Variants in ZNF224 observed in about 807,000 individuals in gnomAD.
ZNF224 encodes the protein bone marrow zinc finger 2.
In ZNF224, 8 loss-of-function variants were observed where a neutral mutation model predicts 10.5. The observed-to-expected ratio is 0.76, with a 90% confidence interval of 0.45 to 1.37. The LOEUF (loss-of-function observed/expected upper bound fraction) is 1.37. Ranked by LOEUF, ZNF224 falls within the 40% of genes most tolerant of loss-of-function variation. The pLI is 0.00. For synonymous variants in ZNF224, 282 were observed against 287.8 expected (o/e 0.98, Z 0.20); for missense variants, 754 against 854.0 (o/e 0.88, Z 1.46).
chr19:44,108,532 T>G lies in ZNF224; in HGVS notation c.*248T>G, dbSNP rs1252064551. On this transcript the variant is annotated 3_prime_UTR_variant, in exon 6 of 6. Transcript: ENST00000693561. ...CCCAGTAGTCTCAGGACCACCATAATGGAGAATCCTTGTAAATGGTGCAAT... is the reference window on the plus strand; with the variant it reads ...CCCAGTAGTCTCAGGACCACCATAAGGGAGAATCCTTGTAAATGGTGCAAT... The G allele has an allele frequency of 1.9e-6, 1 of 513,796 alleles. No homozygotes were observed. The highest frequency in any genetic ancestry group is 1.9e-5 in the African/African-American group (1 of 52,262). The allele number at this position is 513,796 out of a possible 1,614,324, so 31.8% of individuals were successfully genotyped here. A position where few individuals can be genotyped will look rare whatever the true frequency, so the allele number is the denominator to read the frequency against.
rs1967690468 is a variant in ZNF224, at chr19:44,107,140, A to T, written c.980A>T (p.Gln327Leu). Residue 327 changes from glutamine (Q) to leucine (L), a missense_variant, in exon 6 of 6, where the codon CAG (glutamine) becomes CTG (leucine). Physicochemically the swap from Gln to Leu is moderately radical, Grantham distance 113. Coordinates refer to ENST00000693561, the MANE Select transcript of ZNF224 (RefSeq NM_001321645.3). Reference protein sequence around the residue: ...RCDTCDKSFRQRSALNSHRMI... With the variant: ...RCDTCDKSFRLRSALNSHRMI... The stretch of plus-strand genomic sequence containing the variant: ...GATACGTGTGATAAGAGCTTTCGTC[A>T]GAGATCAGCACTTAATAGTCATCGC... 6.2e-7 allele frequency: 1 copy of T among 1,606,644 alleles called. No homozygotes were observed.
rs763575758 is a variant in ZNF224, at chr19:44,107,819, G to T, written c.1659G>T (p.Ser553=). ...GTGGGAAGAGTTTTGGCTGGGCCTC[G>T]TGTCTTTTGAAACATCAGAGACTGC... is the stretch of plus-strand genomic sequence containing the variant. ...KECGKSFGWA[S]CLLKHQRLHS... Residue 553 remains serine, a synonymous_variant, in exon 6 of 6, where the codon TCG becomes TCT. Transcript: ENST00000693561. The T allele has an allele frequency of 6.2e-7, 1 of 1,600,976 alleles. No individual in the cohort carries two copies. Among genetic ancestry groups the T allele is most frequent in the East Asian group, 2.3e-5 (1 of 44,246 alleles).
chr19:44,107,480 G>A lies in ZNF224; in HGVS notation c.1320G>A (p.Arg440=). The part of the protein sequence containing the change: ...CVECGKGYKR[R]LDLDFHQRVH... ...AGTGTGGGAAGGGCTACAAAAGGAG[G>A]TTGGATCTTGACTTTCACCAGCGCG... Residue 440 remains arginine (R), a synonymous_variant, in exon 6 of 6, where the codon AGG becomes AGA. Transcript: ENST00000693561. 6.2e-7 allele frequency: 1 copy of A among 1,602,038 alleles called. No homozygotes were observed. Among genetic ancestry groups the A allele is most frequent in the Non-Finnish European group, 8.5e-7 (1 of 1,175,030 alleles).
rs529533675 is a variant in ZNF224, at chr19:44,098,871, G to A, written c.15+983G>A. Among the ~76,000 whole-genome samples, 163 of 152,306 alleles carry A rather than the reference G, an allele frequency of 1.1e-3. 1 individual carries two copies. The highest frequency in any genetic ancestry group is 6.8e-3 in the Middle Eastern group (2 of 294). The stretch of plus-strand genomic sequence containing the variant: ...TGGAATTACAGGCGTGAGCCACCGC[G>A]CCCAGCCTAACCTAAATTTTTTGTG... On this transcript the variant is annotated intron_variant, in intron 3 of 5. Coordinates refer to ENST00000693561, the MANE Select transcript of ZNF224 (RefSeq NM_001321645.3).
rs1035599125 is a variant in ZNF224 at position 44,106,861 on chromosome 19, G to A, written c.701G>A (p.Cys234Tyr). Residue 234 changes from cysteine (C) to tyrosine (Y), a missense_variant, in exon 6 of 6, where the codon TGT (cysteine) becomes TAT (tyrosine). Coordinates refer to ENST00000693561, the MANE Select transcript of ZNF224 (RefSeq NM_001321645.3). ...CACACTGGAGAGAAACCGTTCAAAT[G>A]TGTGGAATGTGGGAAAGGCTTCAGT... ...RVHTGEKPFK[C>Y]VECGKGFSRR... 6.2e-7 allele frequency: 1 copy of A among 1,612,708 alleles called. No homozygotes were observed. Among genetic ancestry groups the A allele is most frequent in the Non-Finnish European group, 8.5e-7 (1 of 1,179,106 alleles).
chr19:44,101,369 A>C (rs1599662192), intron 5 of ZNF224, 144 bp downstream of exon 5: 1 of 738,798 alleles, frequency 1.4e-6, no homozygotes, highest in East Asian at 2.7e-5. Context: ...TGGCCCTGCC[A>C]CCCGCCTTCA....
chr19:44,100,712 C>G, intron 3 of ZNF224, 89 bp from the exon 4 acceptor site: 2 of 1,473,404 alleles, frequency 1.4e-6, no homozygotes, highest in Non-Finnish European at 1.8e-6. Context: ...AAAACAACTT[C>G]CCACCCCTCC....
rs751356872 is a variant in ZNF224 at position 44,107,034 on chromosome 19, A to G, written c.874A>G (p.Ile292Val). ...GGGGGAGAAGCCATTCAAATGTGAT[A>G]TATGTGGTAAGAGCTTCTGTGGTAG... Reference protein sequence around the residue: ...HTGEKPFKCDICGKSFCGRSR... With the variant: ...HTGEKPFKCDVCGKSFCGRSR... The change falls in exon 6 of 6, where the codon ATA becomes GTA. Residue 292 changes from isoleucine (I) to valine (V), a missense_variant. Coordinates refer to ENST00000693561, the MANE Select transcript of ZNF224 (RefSeq NM_001321645.3). 3.1e-6 allele frequency: 5 copies of G among 1,604,652 alleles called. No individual in the cohort carries two copies. The highest frequency in any genetic ancestry group is 3.4e-6 in the Non-Finnish European group (4 of 1,174,768).
At chr19:44,106,216 T>C (rs1463288771) in intron 5 of ZNF224, 180 bp from the exon 6 acceptor site, 1 of 629,018 alleles carries the variant, frequency 1.6e-6, no homozygotes, top group African/African-American at 1.8e-5. Flanking sequence ...ATTTTACATA[T>C]GATACTTGGT....
chr19:44,101,154 A>T lies in ZNF224; in HGVS notation c.164A>T (p.Asp55Val), dbSNP rs1967542465. Reference protein sequence around the residue: ...LSVGHQAFHRDTFHFLREEKI... With the variant: ...LSVGHQAFHRVTFHFLREEKI... ...GCAGGACATCAAGCATTCCACAGGG[A>T]TACTTTCCACTTCCTAAGGGAAGAA... Residue 55 changes from aspartate to valine, a missense_variant, in exon 5 of 6, where the codon GAT becomes GTT. By Grantham distance (152) the Asp-to-Val change is radical. Coordinates refer to ENST00000693561, the MANE Select transcript of ZNF224 (RefSeq NM_001321645.3). The T allele has an allele frequency of 3.7e-6, 6 of 1,614,164 alleles. No homozygotes were observed. Among genetic ancestry groups the T allele is most frequent in the Non-Finnish European group, 5.1e-6 (6 of 1,180,006 alleles).
intron 3 of ZNF224, among the ~76,000 whole-genome samples, chr19:44,099,861 A>G (rs1967512812): frequency 6.6e-6 from 1 of 152,184 alleles, no homozygotes; most frequent in African/African-American, 2.4e-5. Context: ...TAATCATAAT[A>G]TTAAATTTCT....
At chr19:44,098,830 C>T (rs1281252209) in intron 3 of ZNF224, among the ~76,000 whole-genome samples, 1 of 152,302 alleles carries the variant, frequency 6.6e-6, no homozygotes, top group African/African-American at 2.4e-5. Flanking sequence ...CCACCTGCCT[C>T]GGCCTTCCAA....
intron 1 of ZNF224, chr19:44,095,980 G>T (rs1469707549): frequency 1.3e-5 from 2 of 151,544 alleles, no homozygotes; most frequent in Non-Finnish European, 2.9e-5. Flanking sequence ...TGAAGTAAAG[G>T]TAGCAACTGT....
chr19:44,096,456 G>A (rs888739659), intron 2 of ZNF224, 25 bp downstream of exon 2: 10 of 152,122 alleles, frequency 6.6e-5, no homozygotes, highest in African/African-American at 2.4e-4. Flanking sequence ...GGAAGACCTA[G>A]TATATGGTTT....
rs201026975 is a variant in ZNF224 at position 44,108,189 on chromosome 19, G to A, written c.2029G>A (p.Glu677Lys). The change falls in exon 6 of 6, where the codon GAG (glutamate) becomes AAG (lysine). Residue 677 changes from glutamate (E) to lysine (K), a missense_variant. Coordinates refer to ENST00000693561, the MANE Select transcript of ZNF224 (RefSeq NM_001321645.3). ...TATGCATCAGAGGGTCCACATGGGAGAGAAAACATGGAAGTGTAGGGAGTG... is the reference window on the plus strand; with the variant it reads ...TATGCATCAGAGGGTCCACATGGGAAAGAAAACATGGAAGTGTAGGGAGTG... Reference protein sequence around the residue: ...LDMHQRVHMGEKTWKCRECDM... With the variant: ...LDMHQRVHMGKKTWKCRECDM... 34 of 1,614,058 alleles carry A rather than the reference G, an allele frequency of 2.1e-5. No individual in the cohort carries two copies. The highest frequency in any genetic ancestry group is 2.7e-5 in the Non-Finnish European group (32 of 1,179,970).
Position 44,108,777 on chromosome 19 carries a change from G to A in ZNF224, c.*493G>A, listed in dbSNP as rs1180147524. On this transcript the variant is annotated 3_prime_UTR_variant, in exon 6 of 6. Transcript: ENST00000693561. The stretch of plus-strand genomic sequence containing the variant: ...TACTTGTTTGTTAAATCAATGAAAG[G>A]ATAAAACATATGTATGGATTTGGAT... 2.0e-6 allele frequency: 1 copy of A among 508,668 alleles called. No individual in the cohort carries two copies. Among genetic ancestry groups the A allele is most frequent in the South Asian group, 1.4e-5 (1 of 70,668 alleles). 31.5% of individuals were successfully genotyped at this position (508,668 alleles called of 1,614,324 possible). A position where few individuals can be genotyped will look rare whatever the true frequency, so the allele number is the denominator to read the frequency against.
At chr19:44,101,321 C>T (rs1217758256) in intron 5 of ZNF224, 96 bp downstream of exon 5, 1 of 1,264,354 alleles carries the variant, frequency 7.9e-7, no homozygotes, top group Non-Finnish European at 1.1e-6. Context: ...AATGGCCAAA[C>T]CTCTTTCTTG....
At position 44,108,682 on chromosome 19, in the gene ZNF224, TA is replaced by T; in HGVS notation, c.*401del. ...GTCCAAATTGATGTCCACTAGAATGTAAACTACATGTGTCTTTGCTGCTAAG... is the reference window on the plus strand; with the variant it reads ...GTCCAAATTGATGTCCACTAGAATGTAACTACATGTGTCTTTGCTGCTAAG... On this transcript the variant is annotated 3_prime_UTR_variant, in exon 6 of 6. Transcript: ENST00000693561. 1.9e-6 allele frequency: 1 copy of T among 521,030 alleles called. No homozygotes were observed. The highest frequency in any genetic ancestry group is 1.4e-5 in the South Asian group (1 of 71,342). 32.3% of individuals were successfully genotyped at this position (521,030 alleles called of 1,614,324 possible).
intron 5 of ZNF224, among the ~76,000 whole-genome samples, chr19:44,101,938 TC>T (rs1967556115): frequency 6.6e-6 from 1 of 152,198 alleles, no homozygotes; most frequent in African/African-American, 2.4e-5. Flanking sequence ...CCTTCCTCTT[TC>T]ACCTTTTGGG....
Sources: gnomAD v4.1 joint callset for allele counts (sites outside exome capture counted in the v4.1 genomes callset) on GRCh38, gnomAD v4.1.1 for gene constraint, MANE v1.5 for transcripts, NCBI Gene and HGNC (gene_info 2026-07-23, HGNC 2026-07-21) for gene names.